Variants in ACTN2 observed in about 807,000 individuals in gnomAD.
ACTN2 encodes actinin alpha 2.
In ACTN2, 39 loss-of-function variants were observed where a neutral mutation model predicts 113.8. The observed-to-expected ratio is 0.34, with a 90% confidence interval of 0.27 to 0.45. The LOEUF (loss-of-function observed/expected upper bound fraction) is 0.45, where lower values mean the gene tolerates loss of function less well. Ranked by LOEUF, ACTN2 falls within the 20% of genes least tolerant of loss-of-function variation. ACTN2 has a pLI of 1.00. For synonymous variants in ACTN2, 429 were observed against 444.1 expected (o/e 0.97, Z 0.43); for missense variants, 992 against 1,177.9 (o/e 0.84, Z 2.31).
rs1045346909 is a variant in ACTN2, at chr1:236,742,985, G to A, written c.1197G>A (p.Leu399=). The A allele has an allele frequency of 1.9e-6, 3 of 1,614,034 alleles. No individual in the cohort carries two copies. The highest frequency in any genetic ancestry group is 2.5e-6 in the Non-Finnish European group (3 of 1,180,046). The part of the protein sequence containing the change: ...LLNEIRRLER[L]EHLAEKFRQK... ...ATGAGATTCGGAGACTGGAGCGCTTGGAACACCTGGCTGAGAAGTTCAGGC... is the reference window on the plus strand; with the variant it reads ...ATGAGATTCGGAGACTGGAGCGCTTAGAACACCTGGCTGAGAAGTTCAGGC... Residue 399 remains leucine (L), a synonymous_variant, in exon 11 of 21, where the codon TTG becomes TTA. Transcript: ENST00000366578.
At chr1:236,723,535 G>T (rs1010861845) in intron 4 of ACTN2, among the ~76,000 whole-genome samples, 2 of 152,004 alleles carry the variant, frequency 1.3e-5, no homozygotes, top group African/African-American at 4.8e-5. Context: ...GTGCAATCTC[G>T]GTTCACTGTA....
intron 1 of ACTN2, among the ~76,000 whole-genome samples, chr1:236,709,267 CACACAT>C (rs1558227510): frequency 3.9e-5 from 5 of 127,776 alleles, no homozygotes; most frequent in African/African-American, 1.6e-4. Flanking sequence ...CACACACACA[CACACAT>C]ATATATGTAT....
chr1:236,715,782 C>G (rs532391321), intron 1 of ACTN2, among the ~76,000 whole-genome samples: 1 of 152,044 alleles, frequency 6.6e-6, no homozygotes, highest in East Asian at 1.9e-4. Flanking sequence ...ATGGCAAAAC[C>G]CCGTCTCTAC....
At chr1:236,718,316 A>C (rs1658281606) in intron 2 of ACTN2, among the ~76,000 whole-genome samples, 1 of 152,214 alleles carries the variant, frequency 6.6e-6, no homozygotes, top group South Asian at 2.1e-4. Flanking sequence ...GTATCCAAAA[A>C]TCTACTGTAC....
At chr1:236,689,730 T>C (rs1423638635) in intron 1 of ACTN2, among the ~76,000 whole-genome samples, 1 of 152,136 alleles carries the variant, frequency 6.6e-6, no homozygotes, top group East Asian at 1.9e-4. Flanking sequence ...TAGAACACAG[T>C]TTAGGGATAT....
chr1:236,737,671 G>T lies in ACTN2; in HGVS notation c.876+457G>T, dbSNP rs368379440. Among the ~76,000 whole-genome samples, 6 of 151,972 alleles carry T rather than the reference G, an allele frequency of 3.9e-5. No homozygotes were observed. In the South Asian group the frequency reaches 6.3e-4, roughly 16 times the overall value. ...TGGCCCAGCCTGGTGTGCGGAGCTG[G>T]CTCGGGCTCGTGTGTCTGTATAAAT... On this transcript the variant is annotated intron_variant, in intron 9 of 20. Coordinates refer to ENST00000366578, the MANE Select transcript of ACTN2 (RefSeq NM_001103.4).
chr1:236,728,138 C>G (rs908596664), intron 6 of ACTN2, among the ~76,000 whole-genome samples: 3 of 137,060 alleles, frequency 2.2e-5, no homozygotes, highest in Non-Finnish European at 4.6e-5. Context: ...TCAGATAGCC[C>G]AAGCCTTTTT....
intron 1 of ACTN2, among the ~76,000 whole-genome samples, chr1:236,700,773 G>C (rs1474974774): frequency 6.6e-6 from 1 of 152,192 alleles, no homozygotes; most frequent in African/African-American, 2.4e-5. Context: ...GGTTCTTCGG[G>C]AAAGGTTATT....
In ACTN2 at chr1:236,762,925, C is replaced by A; in HGVS notation, c.*306C>A. 2 of 371,792 alleles carry A rather than the reference C, an allele frequency of 5.4e-6. No individual in the cohort carries two copies. Among genetic ancestry groups the A allele is most frequent in the South Asian group, 2.5e-5 (1 of 40,272 alleles). 23.0% of individuals were successfully genotyped at this position (371,792 alleles called of 1,614,324 possible). On this transcript the variant is annotated 3_prime_UTR_variant, in exon 21 of 21. Transcript: ENST00000366578. ...TTGAGTAATAGGAAATTAGGAGGAT[C>A]TAGGGACAGAAGGAAAGTGAAAAAT...
chr1:236,763,360 A>C lies in ACTN2; in HGVS notation c.*741A>C, dbSNP rs1659765043. 1 of 152,828 alleles carries C rather than the reference A, an allele frequency of 6.5e-6. No individual in the cohort carries two copies. The highest frequency in any genetic ancestry group is 1.5e-5 in the Non-Finnish European group (1 of 68,542). The allele number at this position is 152,828 out of a possible 1,614,324, so 9.5% of individuals were successfully genotyped here. Reference sequence around the variant, plus strand: ...AATTGCCAGAGAGAAGGATGCAATCACTAGGTAAAATGAGGTTTTTAGGAT... The same window carrying C: ...AATTGCCAGAGAGAAGGATGCAATCCCTAGGTAAAATGAGGTTTTTAGGAT... On this transcript the variant is annotated 3_prime_UTR_variant, in exon 21 of 21. Transcript: ENST00000366578.
rs1405137401 is a variant in ACTN2, at chr1:236,747,273, TA to T, written c.1407-393del. On this transcript the variant is annotated intron_variant, in intron 12 of 20. Coordinates refer to ENST00000366578, the MANE Select transcript of ACTN2 (RefSeq NM_001103.4). ...TGATTTATCTGAGAGGAGTGATGTT[TA>T]CAGTGATGACAGTTAACAAAACCCT... 3.9e-5 allele frequency among the ~76,000 whole-genome samples: 6 copies of T among 152,366 alleles called. No homozygotes were observed. In the East Asian group the frequency reaches 1.2e-3, roughly 29 times the overall value.
chr1:236,721,022 GTTTTTTTTTTTTTT>G (rs869077774), intron 4 of ACTN2, among the ~76,000 whole-genome samples: 1 of 66,500 alleles, frequency 1.5e-5, no homozygotes, highest in Admixed American at 2.5e-4. Flanking sequence ...TTTGTTTTTT[GTTTTTTTTTTTTTT>G]TTTTTTTTTG....
At chr1:236,734,583 T>A in intron 7 of ACTN2, 8 of 1,253,306 alleles carry the variant, frequency 6.4e-6, no homozygotes, top group Non-Finnish European at 8.8e-6. Context: ...TTTTTTCAAT[T>A]GTTTTCCTCT....
intron 1 of ACTN2, among the ~76,000 whole-genome samples, chr1:236,694,735 C>T (rs769931516): frequency 1.3e-5 from 2 of 152,010 alleles, no homozygotes; most frequent in Admixed American, 6.6e-5. Context: ...CTCAGGTCCC[C>T]GAAAAGAGTT....
In ACTN2 at chr1:236,744,693, G is replaced by A. The variant is rs886039127; in HGVS notation, c.1323G>A (p.Leu441=). 1.9e-6 allele frequency: 3 copies of A among 1,614,122 alleles called. No homozygotes were observed. Among genetic ancestry groups the A allele is most frequent in the Non-Finnish European group, 2.5e-6 (3 of 1,180,060 alleles). The change falls in exon 12 of 21, where the codon CTG becomes CTA. Residue 441 remains leucine, a synonymous_variant. Coordinates refer to ENST00000366578, the MANE Select transcript of ACTN2 (RefSeq NM_001103.4). ...SASLTEVRAL[L]RKHEAFESDL... ...CGCTGACAGAGGTGCGGGCTCTGCT[G>A]CGGAAGCACGAGGCGTTCGAGAGCG... is the stretch of plus-strand genomic sequence containing the variant.
intron 7 of ACTN2, among the ~76,000 whole-genome samples, chr1:236,733,887 G>A (rs1658785532): frequency 6.6e-6 from 1 of 152,170 alleles, no homozygotes; most frequent in Admixed American, 6.5e-5. Context: ...ACTCACCCAT[G>A]AACTGTTATT....
At position 236,759,753 on chromosome 1, in the gene ACTN2, T is replaced by C. The variant is rs1279991048; in HGVS notation, c.2331T>C (p.Asp777=). 1 of 1,614,132 alleles carries C rather than the reference T, an allele frequency of 6.2e-7. No homozygotes were observed. Among genetic ancestry groups the C allele is most frequent in the African/African-American group, 1.3e-5 (1 of 75,048 alleles). ...RRKNGLMDHE[D]FRACLISMGY... ...AGAATGGCCTGATGGATCATGAGGA[T>C]TTCAGAGCCTGCCTGATTTCCATGG... Residue 777 remains aspartate (D), a synonymous_variant, in exon 19 of 21, where the codon GAT becomes GAC. Transcript: ENST00000366578.
intron 1 of ACTN2, among the ~76,000 whole-genome samples, chr1:236,697,934 ATTT>A (rs35264789): frequency 1.6e-5 from 2 of 127,284 alleles, no homozygotes. Flanking sequence ...TAATTTTCGT[ATTT>A]TTTTTTTTTT....
At chr1:236,718,805 G>GA in intron 2 of ACTN2, 89 bp from the exon 3 acceptor site, 3 of 1,586,488 alleles carry the variant, frequency 1.9e-6, no homozygotes, top group Non-Finnish European at 2.6e-6. Flanking sequence ...TCTTTTTAAG[G>GA]AAAAGATGGA....
Sources: allele counts gnomAD v4.1 joint callset (sites outside exome capture counted in the v4.1 genomes callset), GRCh38; gene constraint gnomAD v4.1.1; transcripts MANE v1.5; gene names NCBI Gene and HGNC (gene_info 2026-07-23, HGNC 2026-07-21).